Variants in LMO3 observed in about 807,000 individuals in gnomAD.
LMO3 encodes LIM domain only 3, also known as LIM domain only protein 3.
Under a neutral mutation model 15.8 loss-of-function variants are expected in LMO3, and 2 were observed. The ratio of observed to expected loss-of-function variants is 0.13; its 90% CI spans 0.05 to 0.40. The LOEUF (loss-of-function observed/expected upper bound fraction) is 0.40. LMO3 is among the 10% of genes least tolerant of loss of function. The probability of loss-of-function intolerance (pLI) is 0.99; values close to 1 mark genes in which losing one functional copy is unlikely to be tolerated. For synonymous variants in LMO3, 62 were observed against 63.8 expected (o/e 0.97, Z 0.13); for missense variants, 86 against 182.2 (o/e 0.47, Z 3.04).
In LMO3 at chr12:16,567,817, A is replaced by T. The variant is rs150184690; in HGVS notation, c.207-7279T>A. ...CTCCTACACTCAGGCAAAACTCCAC[A>T]CTTCCTTCAATCAGACAGAACACCA... On this transcript the variant is annotated intron_variant, in intron 2 of 3. Transcript: ENST00000537304. Among the ~76,000 whole-genome samples, 98 of 152,212 alleles carry T rather than the reference A, an allele frequency of 6.4e-4. 1 individual carries two copies. The highest frequency in any genetic ancestry group is 1.2e-3 in the Non-Finnish European group (85 of 68,002).
chr12:16,594,866 T>A (rs760201445), intron 2 of LMO3, among the ~76,000 whole-genome samples: 2 of 151,604 alleles, frequency 1.3e-5, no homozygotes, highest in African/African-American at 4.8e-5. Flanking sequence ...CCATTAAAAT[T>A]TATTATTAGT....
chr12:16,577,534 G>A (rs1943032215), intron 2 of LMO3, among the ~76,000 whole-genome samples: 1 of 151,866 alleles, frequency 6.6e-6, no homozygotes, highest in South Asian at 2.1e-4. Context: ...CCTATTATCA[G>A]CCAGATTTTC....
chr12:16,606,691 G>A (rs1487254901), upstream of LMO3: 1 of 152,024 alleles, frequency 6.6e-6, no homozygotes, highest in African/African-American at 2.4e-5. Context: ...AATTTCCCAG[G>A]GTGAAAATTT....
In LMO3 at chr12:16,603,992, G is replaced by C. The variant is rs958921240; in HGVS notation, c.-9+2074C>G. Among the ~76,000 whole-genome samples, 1 of 152,158 alleles carries C rather than the reference G, an allele frequency of 6.6e-6. No individual in the cohort carries two copies. On this transcript the variant is annotated intron_variant, in intron 1 of 3. Coordinates refer to ENST00000537304, the MANE Select transcript of LMO3 (RefSeq NM_018640.5). This position sits in a 1 kb window ranked among gnomAD's most constrained non-coding sequence, Gnocchi z 4.9. ...GAAGAGGAAGAGGGAATACATAAAG[G>C]GGGTTGGAAGAGATGAGGTGCTTCA...
chr12:16,553,694 A>G (rs1942077576), intron 3 of LMO3, among the ~76,000 whole-genome samples: 1 of 152,166 alleles, frequency 6.6e-6, no homozygotes, highest in Non-Finnish European at 1.5e-5. Flanking sequence ...CTGGTATGCA[A>G]TTAAGGTTGA....
intron 2 of LMO3, among the ~76,000 whole-genome samples, chr12:16,595,510 A>T (rs1943621357): frequency 6.6e-6 from 1 of 151,434 alleles, no homozygotes; most frequent in Non-Finnish European, 1.5e-5. Flanking sequence ...ATCCAAAAAA[A>T]TTATCACTCC....
chr12:16,569,283 C>T (rs997837423), intron 2 of LMO3, among the ~76,000 whole-genome samples: 1 of 152,130 alleles, frequency 6.6e-6, no homozygotes, highest in Non-Finnish European at 1.5e-5. Flanking sequence ...GTTTTTCCTT[C>T]TCACTATACT....
chr12:16,585,498 A>G lies in LMO3; in HGVS notation c.206+15157T>C, dbSNP rs1195009766. ...TCCCAAATATTATTCAAATTCACCTAATTTTACATATAATTGCAGATTAGA... is the reference window on the plus strand; with the variant it reads ...TCCCAAATATTATTCAAATTCACCTGATTTTACATATAATTGCAGATTAGA... On this transcript the variant is annotated intron_variant, in intron 2 of 3. Transcript: ENST00000537304. The surrounding 1 kb of genome is among the most constrained non-coding windows in gnomAD (Gnocchi z 4.7). 1.3e-5 allele frequency among the ~76,000 whole-genome samples: 2 copies of G among 152,176 alleles called. No homozygotes were observed. The highest frequency in any genetic ancestry group is 2.4e-5 in the African/African-American group (1 of 41,448).
chr12:16,553,556 G>A (rs925984456), intron 3 of LMO3, among the ~76,000 whole-genome samples: 1 of 152,068 alleles, frequency 6.6e-6, no homozygotes, highest in East Asian at 1.9e-4. Context: ...TGGATAAAGT[G>A]CATTTTATAT....
chr12:16,594,006 G>A (rs1227973770), intron 2 of LMO3: 1 of 724,192 alleles, frequency 1.4e-6, no homozygotes, highest in Non-Finnish European at 2.1e-6. Flanking sequence ...TAGGCATTCT[G>A]TAGTTTTATA....
intron 3 of LMO3, among the ~76,000 whole-genome samples, chr12:16,558,051 A>G (rs2137308619): frequency 1.3e-5 from 2 of 152,216 alleles, no homozygotes; most frequent in East Asian, 3.9e-4. Flanking sequence ...TGAACTCAGA[A>G]AAGCTTAAAA....
chr12:16,605,846 A>G (rs1323529071), intron 1 of LMO3: 2 of 1,531,782 alleles, frequency 1.3e-6, no homozygotes, highest in Admixed American at 3.9e-5. Context: ...GTCTCATCAT[A>G]AAAATAATGA....
rs1941907089 is a variant in LMO3 at position 16,549,448 on chromosome 12, C to T, written c.*1774G>A. 6.6e-6 allele frequency: 1 copy of T among 152,462 alleles called. No homozygotes were observed. The allele number at this position is 152,462 out of a possible 1,614,324, so 9.4% of individuals were successfully genotyped here. A position where few individuals can be genotyped will look rare whatever the true frequency, so the allele number is the denominator to read the frequency against. On this transcript the variant is annotated 3_prime_UTR_variant, in exon 4 of 4. Transcript: ENST00000537304. ...AAGAGGCAATATCCAGATTCACATG[C>T]ATGTTCATAATAAAGCTTTGTTTTA...
intron 2 of LMO3, among the ~76,000 whole-genome samples, chr12:16,561,276 T>C (rs773404443): frequency 6.6e-6 from 1 of 152,230 alleles, no homozygotes; most frequent in Non-Finnish European, 1.5e-5. Context: ...TCTCATTTCA[T>C]AACGTGAGGA....
intron 2 of LMO3, among the ~76,000 whole-genome samples, chr12:16,588,833 C>T (rs1174863910): frequency 6.6e-6 from 1 of 152,058 alleles, no homozygotes; most frequent in Non-Finnish European, 1.5e-5. Flanking sequence ...ATCTTCTCCT[C>T]ATGTTTAATT....
chr12:16,605,582 T>G (rs1943966844), intron 1 of LMO3: 2 of 665,488 alleles, frequency 3.0e-6, no homozygotes, highest in Admixed American at 6.1e-5. Flanking sequence ...AAGTGGGGGT[T>G]CATGAATTCC....
At chr12:16,574,504 T>G (rs1274973050) in intron 2 of LMO3, among the ~76,000 whole-genome samples, 1 of 152,192 alleles carries the variant, frequency 6.6e-6, no homozygotes, top group Admixed American at 6.5e-5. Context: ...TTGGTATTTT[T>G]TCTTATAGTC....
intron 1 of LMO3, chr12:16,605,859 C>G (rs181906029): frequency 6.6e-7 from 1 of 1,525,028 alleles, no homozygotes; most frequent in East Asian, 2.4e-5. Flanking sequence ...AATAATGAAG[C>G]CTCACATGAT....
At chr12:16,609,912 CTTTTT>C (rs35590497), upstream of LMO3, 1 of 143,730 alleles carries the variant, frequency 7.0e-6, no homozygotes, top group Non-Finnish European at 1.5e-5. Flanking sequence ...AGGTTGCCGT[CTTTTT>C]TTTTTTTAAT....
Sources: allele counts gnomAD v4.1 joint callset (sites outside exome capture counted in the v4.1 genomes callset), GRCh38; gene constraint gnomAD v4.1.1; non-coding constraint Gnocchi (gnomAD v3.1); transcripts MANE v1.5; gene names NCBI Gene and HGNC (gene_info 2026-07-23, HGNC 2026-07-21).